Variants in RDX observed in about 807,000 individuals in gnomAD.
RDX encodes deafness, autosomal recessive 24.
A neutral mutation model predicts 83.7 loss-of-function variants in RDX; 32 were observed. That is an observed-to-expected ratio of 0.38 (90% CI 0.29 to 0.51). The LOEUF (loss-of-function observed/expected upper bound fraction) is 0.51, where lower values mean the gene tolerates loss of function less well. RDX is among the 20% of genes least tolerant of loss of function. The probability of loss-of-function intolerance (pLI) is 0.87; values close to 1 mark genes in which losing one functional copy is unlikely to be tolerated. For missense variants in RDX, 600 were observed against 689.9 expected (o/e 0.87, Z 1.46); for synonymous variants, 229 against 222.7 (o/e 1.03, Z -0.25).
chr11:110,287,926 C>A (rs780691994), intron 1 of RDX, among the ~76,000 whole-genome samples: 9 of 152,152 alleles, frequency 5.9e-5, no homozygotes, highest in Admixed American at 3.3e-4. Flanking sequence ...TTCTCAGATA[C>A]CATTTTAGAC....
intron 3 of RDX, among the ~76,000 whole-genome samples, chr11:110,266,787 T>C (rs1591168368): frequency 1.3e-5 from 2 of 152,136 alleles, no homozygotes; most frequent in Non-Finnish European, 2.9e-5. Flanking sequence ...GGGGTCTTGC[T>C]ATGTCGCCAA....
rs372067937 is a variant in RDX, at chr11:110,183,353, G to A, written c.*32-8119C>T. Among the ~76,000 whole-genome samples, 28 of 152,252 alleles carry A rather than the reference G, an allele frequency of 1.8e-4. 1 individual carries two copies. The highest frequency in any genetic ancestry group is 7.7e-4 in the East Asian group (4 of 5,186). On this transcript the variant is annotated intron_variant, in intron 15 of 15. Transcript: ENST00000528498. ...CGATAGATACTAGAAAAGTTCTTGC[G>A]TTCTTGCTCTGTCACCCAGGCTGGA...
At chr11:110,260,699 C>G (rs1243832983) in intron 5 of RDX, among the ~76,000 whole-genome samples, 1 of 152,172 alleles carries the variant, frequency 6.6e-6, no homozygotes, top group East Asian at 1.9e-4. Flanking sequence ...CAGGACTCCC[C>G]TTGGATACCA....
At chr11:110,240,821 G>A (rs1222230653) in intron 10 of RDX, among the ~76,000 whole-genome samples, 2 of 150,544 alleles carry the variant, frequency 1.3e-5, no homozygotes, top group African/African-American at 2.4e-5. Flanking sequence ...TTGGGAGGCC[G>A]AGGTGGGCAG....
intron 15 of RDX, among the ~76,000 whole-genome samples, chr11:110,186,246 C>G (rs10891073): frequency 0.43 from 64,605 of 151,902 alleles, 14,111 homozygotes; most frequent in East Asian, 0.6. Context: ...CAATGATAAA[C>G]ACACACTGCA....
At chr11:110,254,439 T>C (rs550265155) in intron 8 of RDX, among the ~76,000 whole-genome samples, 46 of 152,264 alleles carry the variant, frequency 3.0e-4, no homozygotes, top group African/African-American at 1.1e-3. Flanking sequence ...TCAAAATTGG[T>C]TCTTCGTTCA....
At chr11:110,295,425 G>T (rs1270264650) in intron 1 of RDX, among the ~76,000 whole-genome samples, 1 of 151,416 alleles carries the variant, frequency 6.6e-6, no homozygotes, top group Non-Finnish European at 1.5e-5. Flanking sequence ...TTTACATCCT[G>T]CCAGTCTTAG....
At chr11:110,245,215 G>C (rs778462802) in intron 10 of RDX, among the ~76,000 whole-genome samples, 61 of 152,214 alleles carry the variant, frequency 4.0e-4, no homozygotes, top group Middle Eastern at 3.4e-3. Context: ...GCCTCCCAAA[G>C]TACTGGGATT....
intron 1 of RDX, among the ~76,000 whole-genome samples, chr11:110,294,141 C>A (rs1565340809): frequency 6.6e-6 from 1 of 152,244 alleles, no homozygotes; most frequent in African/African-American, 2.4e-5. Flanking sequence ...TGCCTGTAAT[C>A]CCAGCACTTT....
intron 15 of RDX, among the ~76,000 whole-genome samples, chr11:110,197,230 C>T (rs991335989): frequency 2.8e-5 from 4 of 140,622 alleles, no homozygotes; most frequent in Non-Finnish European, 5.9e-5. Context: ...ACGTTTAATT[C>T]CTTAATGTCA....
At chr11:110,176,639 G>A (rs1318120624) in intron 15 of RDX, among the ~76,000 whole-genome samples, 2 of 152,250 alleles carry the variant, frequency 1.3e-5, no homozygotes, top group East Asian at 1.9e-4. Flanking sequence ...TTGTGATACC[G>A]CTTTCCAGAT....
chr11:110,238,021 TTTATTTTTAAA>T (rs1864932853), intron 10 of RDX: 1 of 201,264 alleles, frequency 5.0e-6, no homozygotes, highest in African/African-American at 2.3e-5. Context: ...ACGTAACTAT[TTTATTTTTAAA>T]AAATAATCTC....
At chr11:110,268,038 G>A (rs572423799) in intron 3 of RDX, among the ~76,000 whole-genome samples, 93 of 152,134 alleles carry the variant, frequency 6.1e-4, no homozygotes, top group African/African-American at 2.1e-3. Context: ...GGCCAGGCAC[G>A]GTGGCTCACG....
At chr11:110,194,313 G>A (rs113148633) in intron 15 of RDX, among the ~76,000 whole-genome samples, 170 of 152,328 alleles carry the variant, frequency 1.1e-3, no homozygotes, top group African/African-American at 3.7e-3. Flanking sequence ...TCCGCCTTCC[G>A]GGTTCAAGCG....
At chr11:110,261,834 A>G (rs1859818925) in intron 5 of RDX, among the ~76,000 whole-genome samples, 2 of 152,202 alleles carry the variant, frequency 1.3e-5, no homozygotes, top group African/African-American at 4.8e-5. Flanking sequence ...AGTAGGTTAG[A>G]GCACACCCAT....
At chr11:110,198,365 A>C (rs1167264848) in intron 15 of RDX, among the ~76,000 whole-genome samples, 1 of 152,178 alleles carries the variant, frequency 6.6e-6, no homozygotes, top group Non-Finnish European at 1.5e-5. Flanking sequence ...AATTCAGGTC[A>C]GTACATAATA....
At chr11:110,222,152 TG>T (rs1160738754) in intron 14 of RDX, among the ~76,000 whole-genome samples, 5 of 152,196 alleles carry the variant, frequency 3.3e-5, no homozygotes, top group African/African-American at 1.2e-4. Context: ...TAAAGCATAA[TG>T]GTTGAAAAAT....
At chr11:110,193,975 C>T (rs1427105715) in intron 15 of RDX, among the ~76,000 whole-genome samples, 2 of 152,174 alleles carry the variant, frequency 1.3e-5, no homozygotes, top group Non-Finnish European at 2.9e-5. Context: ...GCTAGAAAAA[C>T]CCATATGTAG....
rs533340528 is a variant in RDX, at chr11:110,208,949, T to C, written c.1749-9271A>G. ...CTAGCCTGGGCAACAAGAGCAAAAC[T>C]CTGTCTCAAAGTAATACTTTTAAAA... is the stretch of plus-strand genomic sequence containing the variant. On this transcript the variant is annotated intron_variant, in intron 14 of 15. Coordinates refer to the RDX transcript ENST00000528498. Among the ~76,000 whole-genome samples the C allele has an allele frequency of 2.0e-5, 3 of 152,206 alleles. No individual in the cohort carries two copies. The East Asian group carries it at 5.8e-4, about 29-fold the overall frequency.
Sources: gnomAD v4.1 joint callset for allele counts (sites outside exome capture counted in the v4.1 genomes callset) on GRCh38, gnomAD v4.1.1 for gene constraint, MANE v1.5 for transcripts, NCBI Gene and HGNC (gene_info 2026-07-23, HGNC 2026-07-21) for gene names.